PTPRZ1: variants seen among roughly 807,000 people sequenced by gnomAD.
The protein encoded by PTPRZ1 is protein tyrosine phosphatase receptor type Z1, also known as receptor-type tyrosine-protein phosphatase zeta.
Under a neutral mutation model 214.1 loss-of-function variants are expected in PTPRZ1, and 82 were observed. The ratio of observed to expected loss-of-function variants is 0.38; its 90% CI spans 0.32 to 0.46. PTPRZ1 has a LOEUF of 0.46. Ranked by LOEUF, PTPRZ1 falls within the 20% of genes least tolerant of loss-of-function variation. PTPRZ1 has a pLI of 1.00. For missense variants in PTPRZ1, 2,603 were observed against 2,748.7 expected (o/e 0.95, Z 1.19); for synonymous variants, 945 against 987.9 (o/e 0.96, Z 0.81).
chr7:122,002,866 C>T (rs1244011552), intron 10 of PTPRZ1, among the ~76,000 whole-genome samples: 1 of 152,086 alleles, frequency 6.6e-6, no homozygotes, highest in African/African-American at 2.4e-5. Context: ...CCATTATGAG[C>T]ATTAAATATT....
At chr7:121,939,446 T>C (rs6967270) in intron 2 of PTPRZ1, among the ~76,000 whole-genome samples, 93,971 of 152,072 alleles carry the variant, frequency 0.62, 29,629 homozygotes, top group African/African-American at 0.73. Context: ...GTAAGATCTA[T>C]TTGCAGCACT....
chr7:122,010,936 T>G lies in PTPRZ1; in HGVS notation c.1890T>G (p.Ala630=), dbSNP rs1357929047. 1 of 1,614,162 alleles carries G rather than the reference T, an allele frequency of 6.2e-7. No homozygotes were observed. Among genetic ancestry groups the G allele is most frequent in the Non-Finnish European group, 8.5e-7 (1 of 1,180,022 alleles). The stretch of plus-strand genomic sequence containing the variant: ...TTATACCAGAATCTGCTAGAAATGC[T>G]TCCGAAGATTCAACTTCATCAGGTT... ...DVLIPESARN[A]SEDSTSSGSE... The change falls in exon 12 of 30, where the codon GCT becomes GCG. Residue 630 remains alanine, a synonymous_variant. Coordinates refer to ENST00000393386, the MANE Select transcript of PTPRZ1 (RefSeq NM_002851.3).
intron 1 of PTPRZ1, among the ~76,000 whole-genome samples, chr7:121,908,112 A>T (rs1294491407): frequency 6.6e-6 from 1 of 152,126 alleles, no homozygotes; most frequent in Non-Finnish European, 1.5e-5. Flanking sequence ...AATATAGAGG[A>T]AGAGGATACC....
intron 6 of PTPRZ1, among the ~76,000 whole-genome samples, chr7:121,980,869 G>A (rs1235304344): frequency 6.6e-6 from 1 of 152,240 alleles, no homozygotes; most frequent in Non-Finnish European, 1.5e-5. Flanking sequence ...TAGGCCGGGC[G>A]TGGTGTCTCA....
intron 1 of PTPRZ1, among the ~76,000 whole-genome samples, chr7:121,881,602 T>C (rs894139404): frequency 3.9e-5 from 6 of 152,210 alleles, no homozygotes; most frequent in African/African-American, 1.4e-4. Flanking sequence ...ACAAAGCTAG[T>C]GCCACAAGAC....
chr7:121,883,451 A>G (rs1230991966), intron 1 of PTPRZ1, among the ~76,000 whole-genome samples: 1 of 152,226 alleles, frequency 6.6e-6, no homozygotes, highest in Non-Finnish European at 1.5e-5. Context: ...TTCTGCCAGT[A>G]CACAGGCTTT....
At chr7:122,059,440 G>A in intron 28 of PTPRZ1, 1 of 198,238 alleles carries the variant, frequency 5.0e-6, no homozygotes, top group Non-Finnish European at 1.0e-5. Context: ...TATATTATAT[G>A]TGTATTATAC....
chr7:121,909,229 C>T (rs1795201881), intron 1 of PTPRZ1, among the ~76,000 whole-genome samples: 1 of 152,072 alleles, frequency 6.6e-6, no homozygotes, highest in African/African-American at 2.4e-5. Context: ...GGAGTATATG[C>T]TCCAGTGCTC....
intron 1 of PTPRZ1, among the ~76,000 whole-genome samples, chr7:121,912,725 C>G (rs1043206375): frequency 1.3e-5 from 2 of 151,946 alleles, no homozygotes; most frequent in African/African-American, 2.4e-5. Context: ...GCATCTGTCT[C>G]TATGAGATAC....
chr7:122,059,909 C>T (rs764406833), intron 29 of PTPRZ1, 21 bp downstream of exon 29: 13 of 1,601,030 alleles, frequency 8.1e-6, no homozygotes, highest in Admixed American at 7.0e-5. Context: ...AGGCAGTGAA[C>T]GAAATTTTTC....
At position 122,050,345 on chromosome 7, in the gene PTPRZ1, A is replaced by G. The variant is rs1222689242; in HGVS notation, c.6085-1083A>G. Among the ~76,000 whole-genome samples the G allele has an allele frequency of 4.4e-5, 6 of 136,364 alleles. No homozygotes were observed. In the East Asian group the frequency reaches 1.1e-3, roughly 25 times the overall value. 89.5% of individuals were successfully genotyped at this position (136,364 alleles called of 152,430 possible). On this transcript the variant is annotated intron_variant, in intron 23 of 29. Transcript: ENST00000393386. ...GTAGTGCCAGCCACTCGGGAGGCTGAGGCAGGAGGAACTCATGAGCACAGG... is the reference window on the plus strand; with the variant it reads ...GTAGTGCCAGCCACTCGGGAGGCTGGGGCAGGAGGAACTCATGAGCACAGG...
chr7:122,046,893 G>A (rs1042412315), intron 23 of PTPRZ1, among the ~76,000 whole-genome samples: 17 of 152,086 alleles, frequency 1.1e-4, no homozygotes, highest in African/African-American at 4.1e-4. Flanking sequence ...CCTCGGAATT[G>A]GATAAAATAG....
At chr7:122,027,217 A>G (rs1331492202) in intron 13 of PTPRZ1, among the ~76,000 whole-genome samples, 1 of 152,140 alleles carries the variant, frequency 6.6e-6, no homozygotes, top group African/African-American at 2.4e-5. Context: ...GGCAAGAGTC[A>G]AGGCCCTGAA....
chr7:122,013,231 T>C lies in PTPRZ1; in HGVS notation c.4185T>C (p.Pro1395=), dbSNP rs1489294342. 6.2e-7 allele frequency: 1 copy of C among 1,614,180 alleles called. No homozygotes were observed. Among genetic ancestry groups the C allele is most frequent in the South Asian group, 1.1e-5 (1 of 91,076 alleles). The stretch of plus-strand genomic sequence containing the variant: ...TAACCTCAACAAAGTTGCTGTTTCC[T>C]TCTAAGGCAACTTCTGAGCTGAGTC... ...GSVTSTKLLF[P]SKATSELSHS... The change falls in exon 12 of 30, where the codon CCT becomes CCC. Residue 1395 remains proline, a synonymous_variant. Coordinates refer to ENST00000393386, the MANE Select transcript of PTPRZ1 (RefSeq NM_002851.3).
intron 2 of PTPRZ1, among the ~76,000 whole-genome samples, chr7:121,947,667 C>T (rs923461998): frequency 1.2e-4 from 18 of 152,118 alleles, no homozygotes; most frequent in Non-Finnish European, 2.4e-4. Flanking sequence ...TGTCTGCCAG[C>T]GGTTCTAACT....
intron 29 of PTPRZ1, 150 bp from the exon 30 acceptor site, chr7:122,060,930 G>T: frequency 1.8e-6 from 1 of 560,628 alleles, no homozygotes. Flanking sequence ...ATCAGTATAG[G>T]TTGTGTGCAT....
At chr7:121,885,742 G>C (rs1031755142) in intron 1 of PTPRZ1, among the ~76,000 whole-genome samples, 2 of 152,088 alleles carry the variant, frequency 1.3e-5, no homozygotes, top group African/African-American at 4.8e-5. Flanking sequence ...TTCCCTATTT[G>C]GAAGGAGCTT....
At chr7:121,900,108 A>G (rs925202206) in intron 1 of PTPRZ1, among the ~76,000 whole-genome samples, 1 of 152,140 alleles carries the variant, frequency 6.6e-6, no homozygotes, top group African/African-American at 2.4e-5. Flanking sequence ...ACAGGTTGAG[A>G]GCCTGTATTT....
intron 17 of PTPRZ1, among the ~76,000 whole-genome samples, chr7:122,035,574 A>G (rs578243219): frequency 6.6e-6 from 1 of 152,324 alleles, no homozygotes; most frequent in African/African-American, 2.4e-5. Flanking sequence ...AATTTTAGAG[A>G]TAAAGAAAAA....
Sources: allele counts gnomAD v4.1 joint callset (sites outside exome capture counted in the v4.1 genomes callset), GRCh38; gene constraint gnomAD v4.1.1; transcripts MANE v1.5; gene names NCBI Gene and HGNC (gene_info 2026-07-23, HGNC 2026-07-21).